RGPD3: variants seen among roughly 807,000 people sequenced by gnomAD.
RGPD3 encodes RANBP2 like and GRIP domain containing 3, also known as ranBP2-like and GRIP domain-containing protein 3.
Under a neutral mutation model 154.5 loss-of-function variants are expected in RGPD3, and 62 were observed. The ratio of observed to expected loss-of-function variants is 0.40; its 90% CI spans 0.33 to 0.50. The LOEUF (loss-of-function observed/expected upper bound fraction) is 0.50, where lower values mean the gene tolerates loss of function less well. RGPD3 is among the 20% of genes least tolerant of loss of function. The probability of loss-of-function intolerance (pLI) is 0.59; values close to 1 mark genes in which losing one functional copy is unlikely to be tolerated. For synonymous variants in RGPD3, 308 were observed against 607.0 expected (o/e 0.51, Z 7.24); for missense variants, 919 against 1,716.8 (o/e 0.54, Z 8.21).
intron 1 of RGPD3, among the ~76,000 whole-genome samples, chr2:106,467,894 G>C (rs1678683553): frequency 7.1e-6 from 1 of 141,046 alleles, no homozygotes; most frequent in Admixed American, 6.9e-5. Flanking sequence ...GGGCCAGGTC[G>C]AGGCCGGCGC....
Position 106,425,244 on chromosome 2 carries a change from T to A in RGPD3, c.2723A>T (p.Lys908Met). The change falls in exon 20 of 23, where the codon AAG becomes ATG. Residue 908 changes from lysine (K) to methionine (M), a missense_variant. Transcript: ENST00000409886. The stretch of plus-strand genomic sequence containing the variant: ...GATGGAAAATCCTTCTTTGGTTGAC[T>A]TAAATTCTGTATTAGAAGAACCCTG... ...PTKGSSNTEF[K>M]STKEGFSIPV... 1 of 1,611,604 alleles carries A rather than the reference T, an allele frequency of 6.2e-7. No homozygotes were observed. The highest frequency in any genetic ancestry group is 8.5e-7 in the Non-Finnish European group (1 of 1,179,698).
intron 6 of RGPD3, among the ~76,000 whole-genome samples, chr2:106,451,807 T>C (rs981671616): frequency 6.6e-6 from 1 of 152,004 alleles, no homozygotes; most frequent in African/African-American, 2.4e-5. Flanking sequence ...TGATGCTAAG[T>C]GCTTATACTA....
intron 7 of RGPD3, among the ~76,000 whole-genome samples, chr2:106,444,965 GACAC>G (rs1302211623): frequency 7.5e-6 from 1 of 133,374 alleles, no homozygotes; most frequent in Non-Finnish European, 1.6e-5. Context: ...GACTCTAATA[GACAC>G]ACAGACAGAT....
chr2:106,430,040 C>G (rs115227009), intron 17 of RGPD3, among the ~76,000 whole-genome samples: 1 of 150,764 alleles, frequency 6.6e-6, no homozygotes, highest in Non-Finnish European at 1.5e-5. Context: ...TCAGCCAGCA[C>G]GCCCGGCTAA....
chr2:106,412,293 GTTTTTTTTTTTTTTTTTTTTT>G (rs772813472), intron 22 of RGPD3, among the ~76,000 whole-genome samples: 2 of 45,006 alleles, frequency 4.4e-5, no homozygotes, highest in African/African-American at 1.6e-4. Flanking sequence ...CTACATCATA[GTTTTTTTTTTTTTTTTTTTTT>G]TTTTTTTTTT....
At chr2:106,469,923 CCT>C (rs71878950), upstream of RGPD3, among the ~76,000 whole-genome samples, 7,419 of 152,186 alleles carry the variant, frequency 0.049, 245 homozygotes, top group Non-Finnish European at 0.074. Flanking sequence ...CCTGTAATGC[CCT>C]GTCAATTGCA....
intron 20 of RGPD3, among the ~76,000 whole-genome samples, chr2:106,420,676 A>G (rs1293928204): frequency 6.6e-6 from 1 of 152,310 alleles, no homozygotes; most frequent in African/African-American, 2.4e-5. Flanking sequence ...TTCTGGACAT[A>G]ATGAGTTAAA....
rs1258990946 is a variant in RGPD3, at chr2:106,423,886, T to C, written c.4081A>G (p.Arg1361Gly). The C allele has an allele frequency of 1.2e-6, 2 of 1,611,858 alleles. No individual in the cohort carries two copies. Among genetic ancestry groups the C allele is most frequent in the African/African-American group, 2.7e-5 (2 of 74,834 alleles). The change falls in exon 20 of 23, where the codon AGG becomes GGG. Residue 1361 changes from arginine (R) to glycine (G), a missense_variant. Physicochemically the swap from Arg to Gly is moderately radical, Grantham distance 125. Transcript: ENST00000409886. ...TTATCATATCTGTAGAATTCTGCCC[T>C]GTGACTAAAAACAACTTGTTCATTT... Reference protein sequence around the residue: ...EENEQVVFSHRAEFYRYDKDV... With the variant: ...EENEQVVFSHGAEFYRYDKDV...
chr2:106,410,270 C>T (rs1676631742), intron 22 of RGPD3, among the ~76,000 whole-genome samples: 1 of 152,154 alleles, frequency 6.6e-6, no homozygotes, highest in South Asian at 2.1e-4. Context: ...TTTATGTACT[C>T]ACATTGATAA....
In RGPD3 at chr2:106,424,648, T is replaced by C. The variant is rs778270432; in HGVS notation, c.3319A>G (p.Lys1107Glu). Residue 1107 changes from lysine to glutamate, a missense_variant, in exon 20 of 23, where the codon AAA (lysine) becomes GAA (glutamate). Lys to Glu is a moderately conservative substitution (Grantham distance 56). Transcript: ENST00000409886. Reference sequence around the variant, plus strand: ...GTTATCCAATGATTAGCACACACTTTTAGTACTTGTTCTCTTTGCATCAGC... The same window carrying C: ...GTTATCCAATGATTAGCACACACTTCTAGTACTTGTTCTCTTTGCATCAGC... ...RMLMQREQVL[K>E]VCANHWITTT... The C allele has an allele frequency of 6.2e-7, 1 of 1,612,008 alleles. No homozygotes were observed. Among genetic ancestry groups the C allele is most frequent in the South Asian group, 1.1e-5 (1 of 90,988 alleles).
At chr2:106,415,824 A>C (rs1186855507) in intron 21 of RGPD3, 26 bp downstream of exon 21, 2 of 1,611,594 alleles carry the variant, frequency 1.2e-6, no homozygotes, top group African/African-American at 1.3e-5. Context: ...GGCAGTTTTT[A>C]TGGTGGCCAG....
intron 1 of RGPD3, among the ~76,000 whole-genome samples, chr2:106,467,603 A>G (rs1336836499): frequency 1.4e-5 from 2 of 143,352 alleles, no homozygotes; most frequent in Admixed American, 6.8e-5. Flanking sequence ...TGAGCCATCA[A>G]GGCAGCCGCC....
chr2:106,413,965 C>T (rs1676747058), intron 21 of RGPD3, among the ~76,000 whole-genome samples: 1 of 152,150 alleles, frequency 6.6e-6, no homozygotes, highest in Non-Finnish European at 1.5e-5. Context: ...TGAAAATGGG[C>T]TGAGGGGAAC....
intron 6 of RGPD3, among the ~76,000 whole-genome samples, chr2:106,448,009 C>T (rs1677984742): frequency 1.3e-5 from 2 of 151,074 alleles, no homozygotes; most frequent in African/African-American, 4.9e-5. Context: ...TTAGACATAG[C>T]ATTTCCAAAT....
chr2:106,416,091 T>C (rs1245318372), intron 20 of RGPD3, 102 bp from the exon 21 acceptor site: 2 of 1,534,628 alleles, frequency 1.3e-6, no homozygotes, highest in African/African-American at 2.8e-5. Context: ...TATGTGATAT[T>C]TTATAGCTCT....
chr2:106,422,942 A>G, intron 20 of RGPD3, 101 bp downstream of exon 20: 1 of 1,599,360 alleles, frequency 6.3e-7, no homozygotes, highest in Non-Finnish European at 8.5e-7. Flanking sequence ...TTCACAAAGC[A>G]TCGTTCATAT....
At chr2:106,451,053 C>A (rs1678105024) in intron 6 of RGPD3, among the ~76,000 whole-genome samples, 1 of 144,024 alleles carries the variant, frequency 6.9e-6, no homozygotes. Flanking sequence ...CGTGCCACTG[C>A]ACTCCAGCCT....
intron 20 of RGPD3, among the ~76,000 whole-genome samples, chr2:106,418,515 G>A (rs1558836157): frequency 6.6e-6 from 1 of 152,030 alleles, no homozygotes; most frequent in African/African-American, 2.4e-5. Context: ...CCAGGGCACG[G>A]AACTAATCAA....
At position 106,403,589 on chromosome 2, in the gene RGPD3, A is replaced by G. The variant is rs537630421; in HGVS notation, c.*1630T>C. Among the ~76,000 whole-genome samples, 3 of 152,284 alleles carry G rather than the reference A, an allele frequency of 2.0e-5. No homozygotes were observed. The highest frequency in any genetic ancestry group is 2.0e-4 in the Admixed American group (3 of 15,292). ...TTTATACAGACTTCAAAAGGTCTCA[A>G]GTCAAAGAGAAAGTGAAATATATTT... On this transcript the variant is annotated 3_prime_UTR_variant, in exon 23 of 23. Transcript: ENST00000409886.
Sources: gnomAD v4.1 joint callset for allele counts (sites outside exome capture counted in the v4.1 genomes callset) on GRCh38, gnomAD v4.1.1 for gene constraint, MANE v1.5 for transcripts, NCBI Gene and HGNC (gene_info 2026-07-23, HGNC 2026-07-21) for gene names.